ST8SIA1: variants seen among roughly 807,000 people sequenced by gnomAD.
ST8SIA1 encodes ST8 alpha-N-acetyl-neuraminide alpha-2,8-sialyltransferase 1.
ST8SIA1 carries 16 observed loss-of-function variants against 35.9 expected under a neutral mutation model. That is an observed-to-expected ratio of 0.45 (90% confidence interval 0.30 to 0.68). The LOEUF (loss-of-function observed/expected upper bound fraction) is 0.68, where lower values mean the gene tolerates loss of function less well. Ranked by LOEUF, ST8SIA1 falls within the 30% of genes least tolerant of loss-of-function variation. ST8SIA1 has a pLI of 0.09. For synonymous variants in ST8SIA1, 170 were observed against 169.6 expected (o/e 1.00, Z -0.02); for missense variants, 383 against 453.6 (o/e 0.84, Z 1.41).
intron 1 of ST8SIA1, among the ~76,000 whole-genome samples, chr12:22,304,794 C>T (rs1477342324): frequency 2.0e-5 from 3 of 152,152 alleles, no homozygotes. Context: ...TGGGCTCTGC[C>T]CAGAGCTCAG....
chr12:22,248,511 G>A (rs1865629812), intron 4 of ST8SIA1, among the ~76,000 whole-genome samples: 1 of 150,382 alleles, frequency 6.6e-6, no homozygotes, highest in Non-Finnish European at 1.5e-5. Context: ...AAATATGATT[G>A]AATATAATAT....
At chr12:22,268,746 C>T (rs1591839775) in intron 2 of ST8SIA1, 1 of 152,200 alleles carries the variant, frequency 6.6e-6, no homozygotes, top group Non-Finnish European at 1.5e-5. Context: ...TTACATTCCA[C>T]CTGGTCCCTC....
chr12:22,209,595 C>A (rs1482045892), intron 4 of ST8SIA1, among the ~76,000 whole-genome samples: 1 of 152,120 alleles, frequency 6.6e-6, no homozygotes, highest in Non-Finnish European at 1.5e-5. Flanking sequence ...CAAATATGCA[C>A]ACCTATTGAC....
At chr12:22,285,011 C>T (rs1866081228) in intron 2 of ST8SIA1, among the ~76,000 whole-genome samples, 1 of 152,176 alleles carries the variant, frequency 6.6e-6, no homozygotes, top group Non-Finnish European at 1.5e-5. Flanking sequence ...TTATCTCTTC[C>T]TCATGCCACA....
intron 4 of ST8SIA1, among the ~76,000 whole-genome samples, chr12:22,239,498 T>C (rs1330891038): frequency 6.6e-6 from 1 of 152,238 alleles, no homozygotes; most frequent in Admixed American, 6.5e-5. Flanking sequence ...TTCTAAAAGT[T>C]CAATTTAGGT....
At position 22,320,860 on chromosome 12, in the gene ST8SIA1, AAAAG is replaced by A. The variant is rs370062520; in HGVS notation, c.236+13133_236+13136del. On this transcript the variant is annotated intron_variant, in intron 1 of 4. Coordinates refer to ENST00000396037, the MANE Select transcript of ST8SIA1 (RefSeq NM_003034.4). ...AGAAAAGAAAGAGAGAGAGAAGAAA[AAAAG>A]AAAGAAAGAAAGAAAGAGAAAGAAA... Among the ~76,000 whole-genome samples the A allele has an allele frequency of 2.3e-3, 342 of 150,310 alleles. 2 individuals are homozygous for A. The highest frequency in any genetic ancestry group is 7.2e-3 in the South Asian group (34 of 4,734).
At chr12:22,249,828 A>C (rs1865649240) in intron 3 of ST8SIA1, among the ~76,000 whole-genome samples, 2 of 152,326 alleles carry the variant, frequency 1.3e-5, no homozygotes, top group South Asian at 2.1e-4. Flanking sequence ...ACCTCTGCAC[A>C]CCCATAAATC....
chr12:22,265,090 T>C (rs1050589616), intron 2 of ST8SIA1, among the ~76,000 whole-genome samples: 7 of 152,250 alleles, frequency 4.6e-5, no homozygotes, highest in Non-Finnish European at 7.3e-5. Context: ...TATTAAACAT[T>C]TCATAGTCAA....
intron 2 of ST8SIA1, among the ~76,000 whole-genome samples, chr12:22,270,896 A>G (rs1484761847): frequency 6.6e-6 from 1 of 152,226 alleles, no homozygotes; most frequent in African/African-American, 2.4e-5. Context: ...TAATTGCTTT[A>G]TTTGTACAGG....
chr12:22,274,700 C>T (rs1323950874), intron 2 of ST8SIA1, among the ~76,000 whole-genome samples: 3 of 152,216 alleles, frequency 2.0e-5, no homozygotes, highest in African/African-American at 4.8e-5. Flanking sequence ...CACGCTCTAT[C>T]GTGAGCATCC....
At chr12:22,288,392 T>C (rs1866130129) in intron 1 of ST8SIA1, among the ~76,000 whole-genome samples, 1 of 152,128 alleles carries the variant, frequency 6.6e-6, no homozygotes, top group African/African-American at 2.4e-5. Context: ...CCTATGAGAC[T>C]TTCGTTGAGA....
chr12:22,284,518 C>T (rs1258271171), intron 2 of ST8SIA1, among the ~76,000 whole-genome samples: 4 of 152,066 alleles, frequency 2.6e-5, no homozygotes, highest in Non-Finnish European at 5.9e-5. Context: ...GGGAAAATAC[C>T]ATTTTTTCCA....
At chr12:22,250,665 C>T (rs148631386) in intron 3 of ST8SIA1, 2 of 152,198 alleles carry the variant, frequency 1.3e-5, no homozygotes, top group African/African-American at 4.8e-5. Context: ...CTACAAATTA[C>T]CCTCAGTATC....
chr12:22,248,043 C>T (rs1457812115), intron 4 of ST8SIA1, among the ~76,000 whole-genome samples: 1 of 152,086 alleles, frequency 6.6e-6, no homozygotes, highest in Non-Finnish European at 1.5e-5. Flanking sequence ...CAGTCTTATC[C>T]ATTATTGAAG....
chr12:22,287,467 C>A (rs868162131), intron 1 of ST8SIA1, among the ~76,000 whole-genome samples, 174 bp from the exon 2 acceptor site: 1 of 142,800 alleles, frequency 7.0e-6, no homozygotes, highest in Non-Finnish European at 1.5e-5. Context: ...CACCAAAATG[C>A]GTGACTAGAC....
chr12:22,208,760 G>A (rs1024427294), intron 4 of ST8SIA1, among the ~76,000 whole-genome samples: 4 of 152,076 alleles, frequency 2.6e-5, no homozygotes, highest in African/African-American at 7.2e-5. Flanking sequence ...AAAACACTAT[G>A]GAACTCACAC....
intron 4 of ST8SIA1, among the ~76,000 whole-genome samples, chr12:22,248,050 GA>G (rs1865625281): frequency 1.3e-5 from 2 of 152,030 alleles, no homozygotes; most frequent in East Asian, 3.9e-4. Context: ...ATCCATTATT[GA>G]AGATAAATGG....
intron 1 of ST8SIA1, chr12:22,326,027 A>T (rs897066986): frequency 6.3e-6 from 3 of 475,226 alleles, no homozygotes; most frequent in East Asian, 6.8e-5. Context: ...TTTAAAACTT[A>T]TGAATTGTTT....
intron 1 of ST8SIA1, among the ~76,000 whole-genome samples, chr12:22,312,262 A>C (rs1322123829): frequency 6.6e-6 from 1 of 152,178 alleles, no homozygotes; most frequent in Non-Finnish European, 1.5e-5. Context: ...GAAGTGAAGA[A>C]AACCAAAAGA....
Sources: allele counts gnomAD v4.1 joint callset (sites outside exome capture counted in the v4.1 genomes callset), GRCh38; gene constraint gnomAD v4.1.1; transcripts MANE v1.5; gene names NCBI Gene and HGNC (gene_info 2026-07-23, HGNC 2026-07-21).